GPAM: variants seen among roughly 807,000 people sequenced by gnomAD.
GPAM encodes glycerol-3-phosphate acyltransferase 1, mitochondrial.
A neutral mutation model predicts 105.0 loss-of-function variants in GPAM; 56 were observed. That is an observed-to-expected ratio of 0.53 (90% CI 0.43 to 0.67). The LOEUF is 0.67. Among genes scored for constraint, GPAM ranks in the 30% least tolerant of loss-of-function variants. GPAM has a pLI of 0.00. For synonymous variants in GPAM, 368 were observed against 354.4 expected (o/e 1.04, Z -0.43); for missense variants, 855 against 989.8 (o/e 0.86, Z 1.83).
chr10:112,198,771 C>A (rs1320612837), intron 1 of GPAM, among the ~76,000 whole-genome samples: 1 of 152,124 alleles, frequency 6.6e-6, no homozygotes, highest in Non-Finnish European at 1.5e-5. Context: ...TTAAAGCAAC[C>A]TATGTGTCCG....
chr10:112,212,541 G>A (rs757875586), intron 1 of GPAM, among the ~76,000 whole-genome samples: 3 of 152,156 alleles, frequency 2.0e-5, no homozygotes, highest in Non-Finnish European at 4.4e-5. Flanking sequence ...GGGATTACAG[G>A]CATGAGCCAC....
chr10:112,155,764 A>G (rs1392166516), intron 20 of GPAM, 100 bp downstream of exon 20: 4 of 706,552 alleles, frequency 5.7e-6, no homozygotes, highest in Non-Finnish European at 9.9e-6. Flanking sequence ...GTTAGAGGTC[A>G]GGATAAGTTT....
rs568879255 is a variant in GPAM, at chr10:112,196,090, CT to C, written n.211-13200del. On this transcript the variant is annotated intron_variant and non_coding_transcript_variant, in intron 1 of 3. Coordinates refer to the GPAM transcript ENST00000480130. ...AATCTAGAACAAGGCCAAGCAGAGCCTGGGAGGAAACACACACATGCCCAAT... is the reference window on the plus strand; with the variant it reads ...AATCTAGAACAAGGCCAAGCAGAGCCGGGAGGAAACACACACATGCCCAAT... Among the ~76,000 whole-genome samples, 19 of 152,218 alleles carry C rather than the reference CT, an allele frequency of 1.2e-4. No individual in the cohort carries two copies. The East Asian group carries it at 3.5e-3, about 28-fold the overall frequency.
chr10:112,203,380 T>C, intron 1 of GPAM, among the ~76,000 whole-genome samples: 1 of 152,198 alleles, frequency 6.6e-6, no homozygotes, highest in East Asian at 1.9e-4. Flanking sequence ...GGGCCATAAA[T>C]GTTTGAGCAG....
chr10:112,213,903 G>T (rs1847940694), intron 1 of GPAM, among the ~76,000 whole-genome samples: 1 of 152,194 alleles, frequency 6.6e-6, no homozygotes, highest in Admixed American at 6.5e-5. Flanking sequence ...GAGCAGAGAA[G>T]AATCACATCC....
intron 1 of GPAM, among the ~76,000 whole-genome samples, chr10:112,191,896 A>T (rs369003331): frequency 2.6e-5 from 4 of 152,202 alleles, no homozygotes; most frequent in African/African-American, 9.6e-5. Context: ...GCTTCAAAAA[A>T]GGGTGAAGAT....
At chr10:112,196,772 C>T (rs1847728828) in intron 1 of GPAM, among the ~76,000 whole-genome samples, 1 of 151,532 alleles carries the variant, frequency 6.6e-6, no homozygotes, top group Non-Finnish European at 1.5e-5. Flanking sequence ...GCAATTTCTT[C>T]TTCTAGCCCC....
At chr10:112,177,108 G>T (rs1024601140) in intron 5 of GPAM, among the ~76,000 whole-genome samples, 11 of 151,486 alleles carry the variant, frequency 7.3e-5, no homozygotes, top group African/African-American at 2.4e-4. Flanking sequence ...AAATTTAAAA[G>T]AGAGAGAGAG....
At chr10:112,189,295 A>G (rs541037795) in intron 1 of GPAM, among the ~76,000 whole-genome samples, 1 of 152,342 alleles carries the variant, frequency 6.6e-6, no homozygotes, top group South Asian at 2.1e-4. Context: ...TTTATAGAAT[A>G]TCTACTTCAC....
intron 1 of GPAM, among the ~76,000 whole-genome samples, chr10:112,198,681 C>G (rs1263484409): frequency 1.3e-5 from 2 of 152,144 alleles, no homozygotes; most frequent in African/African-American, 4.8e-5. Flanking sequence ...GATGCATATC[C>G]AAACGAATTG....
intron 1 of GPAM, among the ~76,000 whole-genome samples, chr10:112,211,462 C>A (rs1847910152): frequency 6.6e-6 from 1 of 152,204 alleles, no homozygotes; most frequent in African/African-American, 2.4e-5. Context: ...TTGAGAACTT[C>A]CTGCATTCTG....
At chr10:112,211,428 G>A (rs1847909573) in intron 1 of GPAM, among the ~76,000 whole-genome samples, 1 of 152,168 alleles carries the variant, frequency 6.6e-6, no homozygotes, top group Non-Finnish European at 1.5e-5. Context: ...GAGAGGTGCA[G>A]GTCCATGGCC....
Position 112,171,658 on chromosome 10 carries a change from T to C in GPAM, c.794+524A>G, listed in dbSNP as rs994534429. ...TATCTCTCCGCATTTGCACATACTA[T>C]TTCCCCTGAATGGAACGCATTGAGG... On this transcript the variant is annotated intron_variant, in intron 9 of 21. Coordinates refer to ENST00000348367, the MANE Select transcript of GPAM (RefSeq NM_001244949.2). 6.6e-5 allele frequency among the ~76,000 whole-genome samples: 10 copies of C among 152,212 alleles called. No individual in the cohort carries two copies. In the East Asian group the frequency reaches 1.7e-3, roughly 26 times the overall value.
At position 112,195,391 on chromosome 10, in the gene GPAM, C is replaced by T. The variant is rs148360931; in HGVS notation, n.211-12500G>A. 6.8e-4 allele frequency among the ~76,000 whole-genome samples: 103 copies of T among 152,314 alleles called. 1 individual carries two copies. Among genetic ancestry groups the T allele is most frequent in the Middle Eastern group, 3.4e-3 (1 of 294 alleles). On this transcript the variant is annotated intron_variant and non_coding_transcript_variant, in intron 1 of 3. Transcript: ENST00000480130. ...GTCCACGTACTCTTTCGCTCTCTGA[C>T]TCCAGCCACCCTGGCTTTCTTTCAC...
At position 112,155,930 on chromosome 10, in the gene GPAM, G is replaced by A. The variant is rs377193101; in HGVS notation, c.2245C>T (p.Pro749Ser). 2 of 1,612,376 alleles carry A rather than the reference G, an allele frequency of 1.2e-6. No homozygotes were observed. Among genetic ancestry groups the A allele is most frequent in the African/African-American group, 2.7e-5 (2 of 74,852 alleles). The change falls in exon 20 of 22, where the codon CCT becomes TCT. Residue 749 changes from proline to serine, a missense_variant. Coordinates refer to ENST00000348367, the MANE Select transcript of GPAM (RefSeq NM_001244949.2). ...TTGTGCAACTTTTGCAGATACTCAG[G>A]TTCTGGAACAGGACCACTGAAGTTG... ...VHNFSGPVPE[P>S]EYLQKLHKYL...
chr10:112,185,062 T>G (rs1165597022), upstream of GPAM, among the ~76,000 whole-genome samples: 1 of 152,162 alleles, frequency 6.6e-6, no homozygotes, highest in African/African-American at 2.4e-5. Context: ...GCACCCCGAC[T>G]GGAAAACCTC....
chr10:112,152,185 A>C lies in GPAM; in HGVS notation c.*1365T>G. 3 of 976,646 alleles carry C rather than the reference A, an allele frequency of 3.1e-6. No individual in the cohort carries two copies. Among genetic ancestry groups the C allele is most frequent in the Non-Finnish European group, 3.6e-6 (3 of 821,986 alleles). 60.5% of individuals were successfully genotyped at this position (976,646 alleles called of 1,614,324 possible). On this transcript the variant is annotated 3_prime_UTR_variant, in exon 22 of 22. Transcript: ENST00000348367. The stretch of plus-strand genomic sequence containing the variant: ...ATCTATGTAACACTCATCTGGAAAA[A>C]TTCTTAATTCCATAATATCTTGGAG...
At position 112,152,713 on chromosome 10, in the gene GPAM, G is replaced by C; in HGVS notation, c.*837C>G. 2 of 983,390 alleles carry C rather than the reference G, an allele frequency of 2.0e-6. No individual in the cohort carries two copies. Among genetic ancestry groups the C allele is most frequent in the South Asian group, 9.4e-5 (2 of 21,250 alleles). 60.9% of individuals were successfully genotyped at this position (983,390 alleles called of 1,614,324 possible). On this transcript the variant is annotated 3_prime_UTR_variant, in exon 22 of 22. Transcript: ENST00000348367. ...GTGAGAGGCAGGTATTACCTGAGGGGTGGACGAGGTACAGACATAAAACAG... is the reference window on the plus strand; with the variant it reads ...GTGAGAGGCAGGTATTACCTGAGGGCTGGACGAGGTACAGACATAAAACAG...
At chr10:112,184,641 A>G (rs1847569525), upstream of GPAM, among the ~76,000 whole-genome samples, 1 of 152,246 alleles carries the variant, frequency 6.6e-6, no homozygotes, top group African/African-American at 2.4e-5. Context: ...GTTGTGCTGG[A>G]CAGTGGTCCT....
Sources: allele counts gnomAD v4.1 joint callset (sites outside exome capture counted in the v4.1 genomes callset), GRCh38; gene constraint gnomAD v4.1.1; transcripts MANE v1.5; gene names NCBI Gene and HGNC (gene_info 2026-07-23, HGNC 2026-07-21).